USP39: variants seen among roughly 807,000 people sequenced by gnomAD.
The protein encoded by USP39 is ubiquitin specific peptidase 39, also known as ubiquitin carboxyl-terminal hydrolase 39.
USP39 carries 38 observed loss-of-function variants against 66.4 expected under a neutral mutation model. The observed-to-expected ratio is 0.57, with a 90% confidence interval of 0.44 to 0.75. USP39 has a LOEUF of 0.75. USP39 is among the 30% of genes least tolerant of loss of function. The pLI is 0.00. For missense variants in USP39, 608 were observed against 714.4 expected, an observed-to-expected ratio of 0.85 and a Z score of 1.70; for synonymous variants, 303 against 274.6, an observed-to-expected ratio of 1.10 and a Z score of -1.02.
At chr2:85,617,420 C>T (rs568800105) in intron 1 of USP39, among the ~76,000 whole-genome samples, 1 of 152,302 alleles carries the variant, frequency 6.6e-6, no homozygotes, top group Non-Finnish European at 1.5e-5. Context: ...GCACGTACTG[C>T]GACCATTGCC....
chr2:85,608,087 T>C (rs1342511685), upstream of USP39: 5 of 152,212 alleles, frequency 3.3e-5, no homozygotes, highest in South Asian at 2.1e-4. Context: ...AATTCCCTTT[T>C]AGTCTGAGCA....
chr2:85,647,307 C>T (rs1449970524), intron 11 of USP39, among the ~76,000 whole-genome samples: 1 of 152,124 alleles, frequency 6.6e-6, no homozygotes, highest in Non-Finnish European at 1.5e-5. Flanking sequence ...TAGATGGCTT[C>T]CTCTTTTCTC....
At position 85,617,527 on chromosome 2, in the gene USP39, G is replaced by A. The variant is rs1001515985; in HGVS notation, c.268+1064G>A. 3.0e-4 allele frequency among the ~76,000 whole-genome samples: 45 copies of A among 152,306 alleles called. 1 individual carries two copies. Among genetic ancestry groups the A allele is most frequent in the Admixed American group, 2.8e-3 (43 of 15,300 alleles). ...GTCTCCCTACAAAACGAGGAGACAAGGGCACAATCCCTTATAAAAGATTTG... is the reference window on the plus strand; with the variant it reads ...GTCTCCCTACAAAACGAGGAGACAAAGGCACAATCCCTTATAAAAGATTTG... On this transcript the variant is annotated intron_variant, in intron 1 of 12. Transcript: ENST00000323701.
At chr2:85,633,877 G>T (rs1573429522) in intron 6 of USP39, among the ~76,000 whole-genome samples, 3 of 107,668 alleles carry the variant, frequency 2.8e-5, no homozygotes, top group Non-Finnish European at 5.1e-5. Flanking sequence ...TCGCTCTGTT[G>T]CCCAGGCTGG....
chr2:85,648,048 AT>A, intron 12 of USP39, 32 bp downstream of exon 12: 2 of 1,611,746 alleles, frequency 1.2e-6, no homozygotes, highest in Non-Finnish European at 1.7e-6. Context: ...TGAGCCACAA[AT>A]AGGTGGCGTA....
chr2:85,612,532 G>T (rs189387643), upstream of USP39, among the ~76,000 whole-genome samples: 2 of 152,366 alleles, frequency 1.3e-5, no homozygotes, highest in African/African-American at 4.8e-5. Flanking sequence ...CAGGCCGCAG[G>T]CGCCGCGAAG....
upstream of USP39, chr2:85,609,319 C>A: frequency 3.5e-6 from 5 of 1,433,884 alleles, no homozygotes; most frequent in Non-Finnish European, 4.7e-6. Flanking sequence ...CCTAGACTCA[C>A]ATGTGGAGCA....
chr2:85,627,018 A>G (rs1019409936), intron 5 of USP39, among the ~76,000 whole-genome samples: 3 of 151,736 alleles, frequency 2.0e-5, no homozygotes, highest in African/African-American at 7.3e-5. Flanking sequence ...AAGTGTTGGG[A>G]TTACAGGCAT....
At chr2:85,615,006 TG>T (rs1673817864), upstream of USP39, among the ~76,000 whole-genome samples, 2 of 151,286 alleles carry the variant, frequency 1.3e-5, no homozygotes, top group Non-Finnish European at 2.9e-5. Context: ...TGTGGTGTGG[TG>T]TGGTGTGGTG....
intron 1 of USP39, among the ~76,000 whole-genome samples, chr2:85,617,542 T>C (rs1056072810): frequency 6.6e-6 from 1 of 152,194 alleles, no homozygotes; most frequent in Non-Finnish European, 1.5e-5. Flanking sequence ...CAATCCCTTA[T>C]AAAAGATTTG....
In USP39 at chr2:85,632,390, C is replaced by T. The variant is rs541804721; in HGVS notation, c.949+1444C>T. ...GAGCTATGATTACACCACTGCACTC[C>T]AGCTGGGGAACGGAGGAAGACCCTG... is the stretch of plus-strand genomic sequence containing the variant. On this transcript the variant is annotated intron_variant, in intron 6 of 12. Transcript: ENST00000323701. 9.9e-5 allele frequency among the ~76,000 whole-genome samples: 15 copies of T among 151,786 alleles called. 1 individual carries two copies. In the South Asian group the frequency reaches 3.1e-3, roughly 32 times the overall value.
At chr2:85,639,938 T>C (rs1573442900) in intron 9 of USP39, 1 of 152,630 alleles carries the variant, frequency 6.6e-6, no homozygotes, top group Non-Finnish European at 1.5e-5. Context: ...GTGATCATGG[T>C]GGCGTGATCA....
chr2:85,647,715 CCAACAGGAAT>C, intron 11 of USP39, among the ~76,000 whole-genome samples: 1 of 152,002 alleles, frequency 6.6e-6, no homozygotes, highest in East Asian at 1.9e-4. Context: ...AAAAAAATTC[CCAACAGGAAT>C]TGAGTTTGCC....
upstream of USP39, chr2:85,609,201 C>T (rs1034502921): frequency 7.5e-6 from 10 of 1,333,484 alleles, no homozygotes; most frequent in African/African-American, 7.3e-5. Flanking sequence ...TCCTATGTGT[C>T]TCCTGTAATA....
Position 85,644,987 on chromosome 2 carries a change from A to G in USP39, c.1467A>G (p.Gln489=). 6.2e-7 allele frequency: 1 copy of G among 1,614,164 alleles called. No individual in the cohort carries two copies. The highest frequency in any genetic ancestry group is 8.5e-7 in the Non-Finnish European group (1 of 1,180,028). ...GAGAATACTTGTCTGAAGAAGTACA[A>G]GCAGTACACAAGAATACCACCTATG... is the stretch of plus-strand genomic sequence containing the variant. ...DLREYLSEEV[Q]AVHKNTTYDL... The change falls in exon 11 of 13, where the codon CAA becomes CAG. Residue 489 remains glutamine, a synonymous_variant. Coordinates refer to ENST00000323701, the MANE Select transcript of USP39 (RefSeq NM_006590.4).
chr2:85,640,529 T>G (rs1256000072), intron 9 of USP39, among the ~76,000 whole-genome samples: 1 of 151,978 alleles, frequency 6.6e-6, no homozygotes, highest in Non-Finnish European at 1.5e-5. Context: ...CCTCAAGTGA[T>G]CTGCCTGCCT....
intron 8 of USP39, 89 bp downstream of exon 8, chr2:85,637,525 C>A: frequency 1.3e-5 from 19 of 1,408,134 alleles, no homozygotes; most frequent in Non-Finnish European, 1.9e-5. Flanking sequence ...AACTGACAAG[C>A]CTGCTTGCCC....
chr2:85,639,601 T>C (rs901438722), intron 9 of USP39: 1 of 452,086 alleles, frequency 2.2e-6, no homozygotes, highest in African/African-American at 2.0e-5. Context: ...ATTACAGACA[T>C]CCGCCACCAT....
At position 85,630,989 on chromosome 2, in the gene USP39, T is replaced by G. The variant is rs764790930; in HGVS notation, c.949+43T>G. Reference sequence around the variant, plus strand: ...ATGTTTCAGGACAACAAAACTAGTTTGATGAACAAATTTATTTCCACTTGG... The same window carrying G: ...ATGTTTCAGGACAACAAAACTAGTTGGATGAACAAATTTATTTCCACTTGG... On this transcript the variant is annotated intron_variant, in intron 6 of 12. Transcript: ENST00000323701. 9 of 1,576,952 alleles carry G rather than the reference T, an allele frequency of 5.7e-6. No homozygotes were observed. In the South Asian group the frequency reaches 9.3e-5, roughly 16 times the overall value.
Sources: gnomAD v4.1 joint callset for allele counts (sites outside exome capture counted in the v4.1 genomes callset) on GRCh38, gnomAD v4.1.1 for gene constraint, MANE v1.5 for transcripts, NCBI Gene and HGNC (gene_info 2026-07-23, HGNC 2026-07-21) for gene names.